Variants in FANCB observed in about 807,000 individuals in gnomAD.
FANCB encodes FA complementation group B.
Under a neutral mutation model 38.9 loss-of-function variants are expected in FANCB, and 5 were observed. The observed-to-expected ratio is 0.13, with a 90% CI of 0.07 to 0.27. The LOEUF is 0.27. FANCB is among the 10% of genes least tolerant of loss of function. FANCB has a pLI of 1.00. For synonymous variants in FANCB, 236 were observed against 215.4 expected (o/e 1.10, Z -0.84); for missense variants, 573 against 602.7 (o/e 0.95, Z 0.52).
intron 2 of FANCB, among the ~76,000 whole-genome samples, chrX:14,868,035 T>C (rs993950641): frequency 9.0e-6 from 1 of 111,570 alleles, no homozygotes; most frequent in Non-Finnish European, 1.9e-5. Context: ...TTTGAATGGC[T>C]ATTATTAAAA....
chrX:14,804,380 A>C, the FANCB span, among the ~76,000 whole-genome samples: 1 of 111,909 alleles, frequency 8.9e-6, no homozygotes, highest in Non-Finnish European at 1.9e-5. Context: ...AAACTATCGC[A>C]AGGACAGAAA....
the FANCB span, among the ~76,000 whole-genome samples, chrX:14,822,898 C>G: frequency 2.7e-5 from 3 of 110,577 alleles, no homozygotes; most frequent in Non-Finnish European, 5.7e-5. Flanking sequence ...TATTCTGAAC[C>G]ATGGTAGTTT....
At chrX:14,751,330 C>T in the FANCB span, among the ~76,000 whole-genome samples, 2 of 112,444 alleles carry the variant, frequency 1.8e-5, no homozygotes, top group Non-Finnish European at 3.8e-5. Flanking sequence ...ACTGTAGCTA[C>T]GTGCACCAAT....
the FANCB span, among the ~76,000 whole-genome samples, chrX:14,747,228 C>T: frequency 8.9e-6 from 1 of 112,459 alleles, no homozygotes; most frequent in Non-Finnish European, 1.9e-5. Context: ...CAATATTTCC[C>T]TCCAGGGAAA....
the FANCB span, among the ~76,000 whole-genome samples, chrX:14,811,418 A>C: frequency 9.0e-6 from 1 of 111,198 alleles, no homozygotes; most frequent in Non-Finnish European, 1.9e-5. Flanking sequence ...TATTCAGGAA[A>C]CCCATCTCAC....
At chrX:14,692,989 A>G in the FANCB span, among the ~76,000 whole-genome samples, 1 of 110,871 alleles carries the variant, frequency 9.0e-6, no homozygotes, top group East Asian at 2.8e-4. Flanking sequence ...ACATGTATAC[A>G]TATGTAACTA....
chrX:14,703,840 T>C, the FANCB span, among the ~76,000 whole-genome samples: 87 of 111,716 alleles, frequency 7.8e-4, 1 homozygote, highest in Admixed American at 1.2e-3. Flanking sequence ...GCAACCATGG[T>C]CACCTGCTGA....
At chrX:14,834,055 G>T (rs2092334622), downstream of FANCB, among the ~76,000 whole-genome samples, 2 of 111,532 alleles carry the variant, frequency 1.8e-5, no homozygotes, top group Admixed American at 1.9e-4. Flanking sequence ...TGATGCCAAG[G>T]CTCAAGGCAA....
chrX:14,704,277 A>G, the FANCB span, among the ~76,000 whole-genome samples: 3 of 112,513 alleles, frequency 2.7e-5, no homozygotes, highest in African/African-American at 9.7e-5. Flanking sequence ...CTTCAGCTCT[A>G]CTAGTGTTTC....
chrX:14,716,246 A>T, the FANCB span, among the ~76,000 whole-genome samples: 4 of 111,737 alleles, frequency 3.6e-5, no homozygotes, highest in Non-Finnish European at 7.5e-5. Flanking sequence ...ACAAATTCAG[A>T]AAATGGCCAA....
downstream of FANCB, chrX:14,834,817 C>A (rs866796758): frequency 2.0e-6 from 1 of 500,639 alleles, no homozygotes; most frequent in Non-Finnish European, 3.6e-6. Flanking sequence ...TCATCAAAAT[C>A]ATCATCATCA....
chrX:14,796,569 TTATATAA>T, the FANCB span, among the ~76,000 whole-genome samples: 1,274 of 98,515 alleles, frequency 0.013, 23 homozygotes, highest in African/African-American at 0.038. Context: ...ATGTTATATA[TTATATAA>T]TATATATGTT....
the FANCB span, among the ~76,000 whole-genome samples, chrX:14,808,395 T>C: frequency 8.9e-6 from 1 of 111,903 alleles, no homozygotes; most frequent in South Asian, 3.7e-4. Flanking sequence ...TCTGGGATGC[T>C]AGGATGGTTC....
the FANCB span, among the ~76,000 whole-genome samples, chrX:14,698,603 G>A: frequency 2.0e-5 from 2 of 102,206 alleles, no homozygotes; most frequent in South Asian, 4.7e-4. Flanking sequence ...ACTTGAACCC[G>A]GGAGGTGGAG....
chrX:14,796,659 TATACACAC>T, the FANCB span, among the ~76,000 whole-genome samples: 1 of 36,880 alleles, frequency 2.7e-5, no homozygotes, highest in South Asian at 2.1e-3. Context: ...TAAGTGCATA[TATACACAC>T]ACACACACAC....
chrX:14,725,042 G>T, the FANCB span, among the ~76,000 whole-genome samples: 3 of 111,638 alleles, frequency 2.7e-5, no homozygotes, highest in Non-Finnish European at 5.6e-5. Flanking sequence ...GACAGACCTG[G>T]ATTTGAATCT....
the FANCB span, among the ~76,000 whole-genome samples, chrX:14,799,856 T>C: frequency 5.3e-5 from 6 of 112,300 alleles, no homozygotes; most frequent in Non-Finnish European, 1.1e-4. Context: ...TGTATTCTAG[T>C]GTTTTTTGGG....
At chrX:14,871,616 CTA>C (rs973431715) in intron 1 of FANCB, among the ~76,000 whole-genome samples, 9 of 70,757 alleles carry the variant, frequency 1.3e-4, no homozygotes, top group African/African-American at 5.0e-4. Context: ...ATCTATCTAT[CTA>C]TATATGTGTG....
At chrX:14,753,666 A>G in the FANCB span, among the ~76,000 whole-genome samples, 3 of 111,044 alleles carry the variant, frequency 2.7e-5, no homozygotes, top group Non-Finnish European at 5.7e-5. Flanking sequence ...GCTCATTCAC[A>G]TGGTAGTGAT....
Sources: allele counts gnomAD v4.1 joint callset (sites outside exome capture counted in the v4.1 genomes callset), GRCh38; gene constraint gnomAD v4.1.1; transcripts MANE v1.5; gene names NCBI Gene and HGNC (gene_info 2026-07-23, HGNC 2026-07-21).